The following C1RL variants were observed in gnomAD, a reference collection of about 807,000 sequenced individuals.
C1RL encodes the protein complement C1r subcomponent like.
Under a neutral mutation model 27.9 loss-of-function variants are expected in C1RL, and 27 were observed. That is an observed-to-expected ratio of 0.97 (90% CI 0.71 to 1.33). C1RL has a LOEUF of 1.33. Among genes scored for constraint, C1RL ranks in the 40% most tolerant of loss-of-function variants. The pLI is 0.00. For synonymous variants in C1RL, 248 were observed against 252.1 expected, an observed-to-expected ratio of 0.98 and a Z score of 0.15; for missense variants, 563 against 623.9, an observed-to-expected ratio of 0.90 and a Z score of 1.04.
chr12:7,096,002 A>T lies in C1RL; in HGVS notation c.*389T>A, dbSNP rs1406076165. On this transcript the variant is annotated 3_prime_UTR_variant, in exon 6 of 6. Coordinates refer to ENST00000266542, the MANE Select transcript of C1RL (RefSeq NM_016546.4). ...ATGCAATGAAAACCCCTTCCTCCATACTCTAATAGCGGGTGAGTAGCTGAC... is the reference window on the plus strand; with the variant it reads ...ATGCAATGAAAACCCCTTCCTCCATTCTCTAATAGCGGGTGAGTAGCTGAC... 1 of 1,009,048 alleles carries T rather than the reference A, an allele frequency of 9.9e-7. No individual in the cohort carries two copies. Among genetic ancestry groups the T allele is most frequent in the African/African-American group, 1.7e-5 (1 of 58,118 alleles). The allele number at this position is 1,009,048 out of a possible 1,614,324, so 62.5% of individuals were successfully genotyped here.
chr12:7,106,719 AC>A (rs1044599394), intron 2 of C1RL, among the ~76,000 whole-genome samples: 2 of 151,648 alleles, frequency 1.3e-5, no homozygotes, highest in African/African-American at 4.8e-5. Context: ...AAAAACAAAC[AC>A]CCCCCACCAA....
At chr12:7,108,554 G>C in intron 1 of C1RL, 75 bp from the exon 2 acceptor site, 1 of 1,273,954 alleles carries the variant, frequency 7.8e-7, no homozygotes, top group South Asian at 1.4e-5. Context: ...AGGAGCGGGG[G>C]AGCCGCGCTA....
chr12:7,105,857 G>A (rs1028173833), intron 2 of C1RL, among the ~76,000 whole-genome samples: 2 of 152,016 alleles, frequency 1.3e-5, no homozygotes, highest in African/African-American at 4.8e-5. Context: ...TAAAAGATGG[G>A]GATTTAAAGA....
chr12:7,100,482 A>AT (rs1938585184), intron 3 of C1RL, among the ~76,000 whole-genome samples: 1 of 152,174 alleles, frequency 6.6e-6, no homozygotes, highest in South Asian at 2.1e-4. Context: ...AATCAAGGAG[A>AT]TTTTATGTGG....
rs1371250294 is a variant in C1RL at position 7,095,886 on chromosome 12, G to A, written c.*505C>T. Reference sequence around the variant, plus strand: ...ATATAGAGGACATAAAATAAAAAAGGAGCTGTTTCTATAATTGCATCTTGG... The same window carrying A: ...ATATAGAGGACATAAAATAAAAAAGAAGCTGTTTCTATAATTGCATCTTGG... On this transcript the variant is annotated 3_prime_UTR_variant, in exon 6 of 6. Transcript: ENST00000266542. The A allele has an allele frequency of 1.2e-5, 12 of 977,416 alleles. No homozygotes were observed. The highest frequency in any genetic ancestry group is 1.5e-5 in the Non-Finnish European group (12 of 822,524). The allele number at this position is 977,416 out of a possible 1,614,324, so 60.5% of individuals were successfully genotyped here.
chr12:7,100,129 T>A, intron 3 of C1RL, 103 bp from the exon 4 acceptor site: 1 of 1,175,250 alleles, frequency 8.5e-7, no homozygotes. Flanking sequence ...GTTTTATTTT[T>A]TATTTTTAGT....
chr12:7,100,998 A>G (rs1938601280), intron 3 of C1RL, among the ~76,000 whole-genome samples: 1 of 152,042 alleles, frequency 6.6e-6, no homozygotes, highest in Non-Finnish European at 1.5e-5. Flanking sequence ...AGGAGTTAAG[A>G]GCCAGAGATC....
intron 2 of C1RL, among the ~76,000 whole-genome samples, chr12:7,103,231 G>A (rs371614083): frequency 6.6e-6 from 1 of 152,190 alleles, no homozygotes. Context: ...GCTCTACTTG[G>A]TTGTAAAACC....
rs1454163286 is a variant in C1RL at position 7,104,719 on chromosome 12, T to C, written c.301-2632A>G. 1.3e-5 allele frequency among the ~76,000 whole-genome samples: 2 copies of C among 152,186 alleles called. No individual in the cohort carries two copies. The highest frequency in any genetic ancestry group is 2.9e-5 in the Non-Finnish European group (2 of 68,012). On this transcript the variant is annotated intron_variant, in intron 2 of 5. Coordinates refer to ENST00000266542, the MANE Select transcript of C1RL (RefSeq NM_016546.4). This position sits in a 1 kb window ranked among gnomAD's most constrained non-coding sequence, Gnocchi z 5.4. ...CAAACTGGAATAATTGGGTAAATAA[T>C]CTTATTCGTTTTTATTAACCTTTCT...
intron 2 of C1RL, among the ~76,000 whole-genome samples, chr12:7,102,975 T>G (rs1017101416): frequency 6.6e-6 from 1 of 152,204 alleles, no homozygotes; most frequent in Non-Finnish European, 1.5e-5. Context: ...TTTTGCTAGC[T>G]CTCCATTCCC....
At chr12:7,099,225 C>CAAAAAA (rs1180325788) in intron 5 of C1RL, among the ~76,000 whole-genome samples, 5 of 44,392 alleles carry the variant, frequency 1.1e-4, no homozygotes, top group African/African-American at 2.5e-4. Context: ...AACTCCATCC[C>CAAAAAA]AAAAAAAAAA....
chr12:7,100,974 T>G (rs1938600850), intron 3 of C1RL, among the ~76,000 whole-genome samples: 1 of 152,070 alleles, frequency 6.6e-6, no homozygotes, highest in Non-Finnish European at 1.5e-5. Flanking sequence ...CAGTTGTTTC[T>G]GGGGAGGGCA....
rs1938414262 is a variant in C1RL at position 7,096,067 on chromosome 12, A to T, written c.*324T>A. On this transcript the variant is annotated 3_prime_UTR_variant, in exon 6 of 6. Transcript: ENST00000266542. ...GTATAAAAGCTGTGTCAACAGATGAAGTAGGGGAAGGCGGTTCTAAGGACA... is the reference window on the plus strand; with the variant it reads ...GTATAAAAGCTGTGTCAACAGATGATGTAGGGGAAGGCGGTTCTAAGGACA... The T allele has an allele frequency of 5.5e-6, 6 of 1,095,162 alleles. No homozygotes were observed. The highest frequency in any genetic ancestry group is 6.7e-6 in the Non-Finnish European group (6 of 900,942). 67.8% of individuals were successfully genotyped at this position (1,095,162 alleles called of 1,614,324 possible).
chr12:7,105,930 G>A (rs1165043398), intron 2 of C1RL, among the ~76,000 whole-genome samples: 4 of 152,118 alleles, frequency 2.6e-5, no homozygotes, highest in Admixed American at 2.6e-4. Flanking sequence ...AGATAACAAA[G>A]CTAGAGAATC....
At chr12:7,108,188 C>T in intron 2 of C1RL, 63 bp downstream of exon 2, 1 of 1,358,060 alleles carries the variant, frequency 7.4e-7, no homozygotes, top group South Asian at 1.4e-5. Context: ...ACCGCCACTT[C>T]CCACAACCCC....
intron 3 of C1RL, 150 bp downstream of exon 3, chr12:7,101,742 GTTGCTT>G: frequency 1.3e-6 from 1 of 745,638 alleles, no homozygotes; most frequent in Non-Finnish European, 2.3e-6. Flanking sequence ...TCTTAATAGG[GTTGCTT>G]GCCAGCAGGG....
At chr12:7,107,532 A>G (rs1938800396) in intron 2 of C1RL, among the ~76,000 whole-genome samples, 2 of 152,292 alleles carry the variant, frequency 1.3e-5, no homozygotes, top group South Asian at 4.1e-4. Flanking sequence ...AATAATTAAA[A>G]ATTTTAAAAT....
In C1RL at chr12:7,096,977, A is replaced by G. The variant is rs758098356; in HGVS notation, c.878T>C (p.Leu293Pro). Residue 293 changes from leucine (L) to proline (P), a missense_variant, in exon 6 of 6, where the codon CTC (leucine) becomes CCC (proline). Physicochemically the swap from Leu to Pro is moderately conservative, Grantham distance 98 (BLOSUM62 -3). Coordinates refer to ENST00000266542, the MANE Select transcript of C1RL (RefSeq NM_016546.4). Reference sequence around the variant, plus strand: ...CACATTCACACTCTGGTTCTTCCTGAGAGAAACACTGTCCTTGGGGTAGAT... The same window carrying G: ...CACATTCACACTCTGGTTCTTCCTGGGAGAAACACTGTCCTTGGGGTAGAT... ...HTIYPKDSVS[L>P]RKNQSVNVFL... is the part of the protein sequence containing the mutation. 6.2e-7 allele frequency: 1 copy of G among 1,614,060 alleles called. No homozygotes were observed. Among genetic ancestry groups the G allele is most frequent in the African/African-American group, 1.3e-5 (1 of 75,014 alleles).
At position 7,103,501 on chromosome 12, in the gene C1RL, G is replaced by A. The variant is rs1938681791; in HGVS notation, c.301-1414C>T. Reference sequence around the variant, plus strand: ...GAGTCTGCACTAAGAGCAGTGGTGAGGATGGATACTCAATACCTGCTCCTT... The same window carrying A: ...GAGTCTGCACTAAGAGCAGTGGTGAAGATGGATACTCAATACCTGCTCCTT... On this transcript the variant is annotated intron_variant, in intron 2 of 5. Coordinates refer to ENST00000266542, the MANE Select transcript of C1RL (RefSeq NM_016546.4). 2.6e-5 allele frequency among the ~76,000 whole-genome samples: 4 copies of A among 152,312 alleles called. No homozygotes were observed. In the South Asian group the frequency reaches 8.3e-4, roughly 32 times the overall value.
Sources: allele counts gnomAD v4.1 joint callset (sites outside exome capture counted in the v4.1 genomes callset), GRCh38; gene constraint gnomAD v4.1.1; non-coding constraint Gnocchi (gnomAD v3.1); transcripts MANE v1.5; gene names NCBI Gene and HGNC (gene_info 2026-07-23, HGNC 2026-07-21).